The following ZRANB3 variants were observed in gnomAD, a reference collection of about 807,000 sequenced individuals.
The protein encoded by ZRANB3 is zinc finger RANBP2-type containing 3, also known as DNA annealing helicase and endonuclease ZRANB3.
Under a neutral mutation model 133.8 loss-of-function variants are expected in ZRANB3, and 125 were observed. That is an observed-to-expected ratio of 0.93 (90% confidence interval 0.81 to 1.08). The LOEUF (loss-of-function observed/expected upper bound fraction) is 1.08, where lower values mean the gene tolerates loss of function less well. Ranked by LOEUF, ZRANB3 falls within the 50% of genes least tolerant of loss-of-function variation. The pLI, the probability that ZRANB3 is intolerant of heterozygous loss-of-function variation, is 0.00. For missense variants in ZRANB3, 1,229 were observed against 1,275.5 expected (o/e 0.96, Z 0.56); for synonymous variants, 387 against 432.7 (o/e 0.89, Z 1.31).
intron 6 of ZRANB3, among the ~76,000 whole-genome samples, chr2:135,343,059 C>T (rs988896701): frequency 9.9e-5 from 14 of 141,548 alleles, no homozygotes; most frequent in South Asian, 2.2e-4. Flanking sequence ...TGGCAGCACA[C>T]GGCTGTAGTC....
At chr2:135,503,184 CTG>C (rs1693023393) in intron 2 of ZRANB3, among the ~76,000 whole-genome samples, 1 of 152,092 alleles carries the variant, frequency 6.6e-6, no homozygotes, top group African/African-American at 2.4e-5. Context: ...AAAAAAAAGT[CTG>C]TAAACAAATA....
At chr2:135,232,142 A>G (rs1435694830) in intron 12 of ZRANB3, among the ~76,000 whole-genome samples, 1 of 152,188 alleles carries the variant, frequency 6.6e-6, no homozygotes, top group African/African-American at 2.4e-5. Context: ...CCAGGAGATT[A>G]TATCCCGCGC....
At chr2:135,200,476 GA>G in intron 20 of ZRANB3, 36 bp from the exon 21 acceptor site, 1 of 1,505,742 alleles carries the variant, frequency 6.6e-7, no homozygotes, top group Non-Finnish European at 9.0e-7. Context: ...TACACGTTAG[GA>G]AAAAAGCACC....
In ZRANB3 at chr2:135,361,659, G is replaced by A. The variant is rs1467462351; in HGVS notation, c.181-8031C>T. ...AGGTAGGTTTGTCTTTAAAATAGGTGGCCTGTTTGTTATAAAAGAGATTGC... is the reference window on the plus strand; with the variant it reads ...AGGTAGGTTTGTCTTTAAAATAGGTAGCCTGTTTGTTATAAAAGAGATTGC... On this transcript the variant is annotated intron_variant, in intron 3 of 20. Transcript: ENST00000264159. Among the ~76,000 whole-genome samples the A allele has an allele frequency of 2.0e-5, 3 of 152,086 alleles. No homozygotes were observed. In the East Asian group the frequency reaches 5.8e-4, roughly 29 times the overall value.
At chr2:135,529,646 C>G (rs1559058000) in intron 1 of ZRANB3, among the ~76,000 whole-genome samples, 1 of 151,882 alleles carries the variant, frequency 6.6e-6, no homozygotes, top group Non-Finnish European at 1.5e-5. Context: ...ACTACAGATC[C>G]TACAGATCTC....
rs535921214 is a variant in ZRANB3 at position 135,418,996 on chromosome 2, G to T, written c.162-28176C>A. 1.5e-3 allele frequency among the ~76,000 whole-genome samples: 194 copies of T among 133,240 alleles called. 2 individuals are homozygous for T. The highest frequency in any genetic ancestry group is 5.4e-3 in the Middle Eastern group (1 of 184). The allele number at this position is 133,240 out of a possible 152,430, so 87.4% of individuals were successfully genotyped here. A position where few individuals can be genotyped will look rare whatever the true frequency, so the allele number is the denominator to read the frequency against. On this transcript the variant is annotated intron_variant, in intron 2 of 20. Transcript: ENST00000264159. ...TCTGTCACCCAGGCTGGAGTGCAGT[G>T]GTGCGATCTCGGCTCGCTGCAATCT...
chr2:135,407,062 T>C (rs1688073417), intron 2 of ZRANB3, among the ~76,000 whole-genome samples: 4 of 152,138 alleles, frequency 2.6e-5, no homozygotes, highest in South Asian at 2.1e-4. Flanking sequence ...TGATTATATA[T>C]CTAGAAAACC....
chr2:135,399,896 G>C (rs1687661214), intron 2 of ZRANB3, among the ~76,000 whole-genome samples: 1 of 152,142 alleles, frequency 6.6e-6, no homozygotes. Flanking sequence ...TTTCGAAAAG[G>C]TTTTCGTATT....
intron 17 of ZRANB3, among the ~76,000 whole-genome samples, chr2:135,211,519 C>CTGT (rs1694095390): frequency 6.6e-6 from 1 of 152,148 alleles, no homozygotes; most frequent in African/African-American, 2.4e-5. Context: ...GCAACCTGAG[C>CTGT]AACAGATTGA....
intron 12 of ZRANB3, among the ~76,000 whole-genome samples, chr2:135,239,209 T>TA (rs1695441185): frequency 6.6e-6 from 1 of 152,204 alleles, no homozygotes; most frequent in East Asian, 1.9e-4. Context: ...ATAAAATTCA[T>TA]AAAAACAGAA....
intron 2 of ZRANB3, among the ~76,000 whole-genome samples, chr2:135,405,654 G>C (rs764148702): frequency 5.9e-5 from 9 of 152,126 alleles, no homozygotes; most frequent in Non-Finnish European, 1.2e-4. Context: ...CTAGAACTCA[G>C]GATTAAGAAA....
chr2:135,456,052 T>C (rs1050996048), intron 2 of ZRANB3, among the ~76,000 whole-genome samples: 1 of 152,250 alleles, frequency 6.6e-6, no homozygotes, highest in African/African-American at 2.4e-5. Context: ...TTGCCTGTCA[T>C]GATACTGGCT....
chr2:135,257,206 A>G (rs549877507), intron 12 of ZRANB3, among the ~76,000 whole-genome samples: 1 of 152,310 alleles, frequency 6.6e-6, no homozygotes, highest in Non-Finnish European at 1.5e-5. Flanking sequence ...TTCTCTAATA[A>G]ATGTCATTTC....
At chr2:135,236,926 CA>C (rs1363216526) in intron 12 of ZRANB3, among the ~76,000 whole-genome samples, 1 of 152,080 alleles carries the variant, frequency 6.6e-6, no homozygotes, top group African/African-American at 2.4e-5. Flanking sequence ...CAACAAAAGC[CA>C]AAATTGATAA....
At chr2:135,388,019 T>C (rs1028455128) in intron 3 of ZRANB3, among the ~76,000 whole-genome samples, 2 of 152,168 alleles carry the variant, frequency 1.3e-5, no homozygotes, top group African/African-American at 4.8e-5. Context: ...AATAAAGACA[T>C]ACCCGAGTCT....
At chr2:135,248,165 C>T (rs934694817) in intron 12 of ZRANB3, among the ~76,000 whole-genome samples, 2 of 152,138 alleles carry the variant, frequency 1.3e-5, no homozygotes, top group African/African-American at 2.4e-5. Context: ...ACTTTAGTAG[C>T]CCTACAGAAA....
intron 8 of ZRANB3, among the ~76,000 whole-genome samples, chr2:135,293,206 A>G (rs1316706024): frequency 6.6e-6 from 1 of 152,178 alleles, no homozygotes; most frequent in African/African-American, 2.4e-5. Context: ...TTTTCATGAC[A>G]TTGATTCTTC....
chr2:135,239,099 A>T (rs935100606), intron 12 of ZRANB3, among the ~76,000 whole-genome samples: 8 of 152,180 alleles, frequency 5.3e-5, no homozygotes, highest in Non-Finnish European at 1.2e-4. Context: ...ACTAAGACAG[A>T]CCCTGTAGAT....
chr2:135,208,694 G>A (rs1693979834), intron 18 of ZRANB3, among the ~76,000 whole-genome samples, 174 bp downstream of exon 18: 1 of 152,160 alleles, frequency 6.6e-6, no homozygotes, highest in South Asian at 2.1e-4. Context: ...TTAAAATGAG[G>A]ACACCAGGTA....
Sources: gnomAD v4.1 joint callset for allele counts (sites outside exome capture counted in the v4.1 genomes callset) on GRCh38, gnomAD v4.1.1 for gene constraint, MANE v1.5 for transcripts, NCBI Gene and HGNC (gene_info 2026-07-23, HGNC 2026-07-21) for gene names.